Variants in SHOC2 observed in about 807,000 individuals in gnomAD.
SHOC2 encodes leucine-rich repeat protein SHOC-2.
In SHOC2, 4 loss-of-function variants were observed where a neutral mutation model predicts 50.2. The observed-to-expected ratio is 0.08, with a 90% CI of 0.04 to 0.18. The LOEUF (loss-of-function observed/expected upper bound fraction) is 0.18, where lower values mean the gene tolerates loss of function less well. Among genes scored for constraint, SHOC2 ranks in the 10% least tolerant of loss-of-function variants. The pLI is 1.00. For missense variants in SHOC2, 388 were observed against 669.6 expected, an observed-to-expected ratio of 0.58 and a Z score of 4.64; for synonymous variants, 218 against 244.5, an observed-to-expected ratio of 0.89 and a Z score of 1.01.
intron 4 of SHOC2, among the ~76,000 whole-genome samples, chr10:111,000,861 G>A (rs1209072964): frequency 6.6e-6 from 1 of 151,980 alleles, no homozygotes; most frequent in African/African-American, 2.4e-5. Flanking sequence ...TGACAGTAAA[G>A]GTATTAAGGA....
chr10:110,966,496 C>T (rs189413393), intron 2 of SHOC2, among the ~76,000 whole-genome samples: 3 of 152,182 alleles, frequency 2.0e-5, no homozygotes, highest in East Asian at 3.9e-4. Context: ...ATAAAAGTTA[C>T]TTCCTGTCTT....
At chr10:110,940,145 G>A (rs572955209) in intron 1 of SHOC2, among the ~76,000 whole-genome samples, 3 of 152,138 alleles carry the variant, frequency 2.0e-5, no homozygotes, top group Non-Finnish European at 4.4e-5. Context: ...GAAATGATAG[G>A]AGAAAAATTT....
At chr10:110,998,389 T>C (rs1848307951) in intron 3 of SHOC2, among the ~76,000 whole-genome samples, 1 of 152,204 alleles carries the variant, frequency 6.6e-6, no homozygotes, top group African/African-American at 2.4e-5. Flanking sequence ...ATTTTTTTTT[T>C]TCTCCTGAGG....
chr10:110,965,124 T>C, intron 2 of SHOC2, 63 bp downstream of exon 2: 1 of 1,423,346 alleles, frequency 7.0e-7, no homozygotes, highest in East Asian at 2.4e-5. Flanking sequence ...TTGAGTGCTT[T>C]CTCATATCAA....
intron 1 of SHOC2, among the ~76,000 whole-genome samples, chr10:110,937,853 G>C (rs1847059916): frequency 6.6e-6 from 1 of 152,176 alleles, no homozygotes; most frequent in African/African-American, 2.4e-5. Context: ...AAACTAGTAA[G>C]TCTGCAATTA....
chr10:111,000,312 G>A (rs1005550626), intron 3 of SHOC2, 103 bp from the exon 4 acceptor site: 10 of 1,127,434 alleles, frequency 8.9e-6, no homozygotes, highest in Non-Finnish European at 1.2e-5. Flanking sequence ...TGCTGAAACA[G>A]TACTTTGAAG....
chr10:110,932,393 A>G (rs1846913020), intron 1 of SHOC2, among the ~76,000 whole-genome samples: 1 of 152,220 alleles, frequency 6.6e-6, no homozygotes. Context: ...TGATTAGGTT[A>G]AGAACAGGAT....
At chr10:110,951,567 T>C (rs1444623422) in intron 1 of SHOC2, 1 of 152,202 alleles carries the variant, frequency 6.6e-6, no homozygotes. Context: ...GAAATGAAAT[T>C]ATTATATTGT....
chr10:110,998,545 C>G (rs1351431333), intron 3 of SHOC2, among the ~76,000 whole-genome samples: 1 of 152,138 alleles, frequency 6.6e-6, no homozygotes, highest in Non-Finnish European at 1.5e-5. Flanking sequence ...CTTTTGTACT[C>G]CACTTTGTGC....
At chr10:110,981,247 C>A (rs1397545589) in intron 2 of SHOC2, among the ~76,000 whole-genome samples, 2 of 152,210 alleles carry the variant, frequency 1.3e-5, no homozygotes, top group Non-Finnish European at 2.9e-5. Flanking sequence ...TTGTAAGTTT[C>A]ATGAATACAA....
intron 5 of SHOC2, among the ~76,000 whole-genome samples, chr10:111,007,153 A>G (rs1013076760): frequency 1.8e-4 from 27 of 152,044 alleles, no homozygotes; most frequent in African/African-American, 6.3e-4. Flanking sequence ...GTCTTCTTCT[A>G]TTGTTTTCAT....
At chr10:111,011,207 G>C (rs376741521) in intron 8 of SHOC2, among the ~76,000 whole-genome samples, 1 of 152,114 alleles carries the variant, frequency 6.6e-6, no homozygotes, top group Non-Finnish European at 1.5e-5. Flanking sequence ...CAGAAAAGTG[G>C]TTATAGACAT....
chr10:110,970,803 T>C (rs1847767384), intron 2 of SHOC2, among the ~76,000 whole-genome samples: 1 of 152,020 alleles, frequency 6.6e-6, no homozygotes, highest in African/African-American at 2.4e-5. Context: ...GTACTTTCGA[T>C]TTTCATTCCC....
chr10:110,919,532 CGGGGCGGGGCGAGT>C (rs1416453021), upstream of SHOC2: 2 of 80,202 alleles, frequency 2.5e-5, no homozygotes, highest in Non-Finnish European at 4.1e-5. Context: ...GCGGGGCGGG[CGGGGCGGGGCGAGT>C]GGGGGAGGGG....
chr10:110,988,840 A>G (rs1848128608), intron 3 of SHOC2: 7 of 445,822 alleles, frequency 1.6e-5, no homozygotes, highest in African/African-American at 4.1e-5. Flanking sequence ...CTGCTTCAGC[A>G]GCATCCCACA....
chr10:110,922,785 A>G (rs1846681227), intron 1 of SHOC2, among the ~76,000 whole-genome samples: 1 of 152,082 alleles, frequency 6.6e-6, no homozygotes, highest in African/African-American at 2.4e-5. Flanking sequence ...TAAAATATCA[A>G]TTAACAGAGG....
chr10:110,946,692 A>G (rs1187170093), intron 1 of SHOC2, among the ~76,000 whole-genome samples: 1 of 151,930 alleles, frequency 6.6e-6, no homozygotes, highest in Non-Finnish European at 1.5e-5. Context: ...TCTGCATTCA[A>G]AGAAAAGCAA....
intron 1 of SHOC2, among the ~76,000 whole-genome samples, chr10:110,929,305 A>G (rs976984232): frequency 2.0e-5 from 3 of 152,204 alleles, no homozygotes; most frequent in Non-Finnish European, 4.4e-5. Flanking sequence ...AAGAATCACT[A>G]ATGTCAACAT....
chr10:110,943,708 AAGT>A (rs1278923795), intron 1 of SHOC2, among the ~76,000 whole-genome samples: 1 of 152,178 alleles, frequency 6.6e-6, no homozygotes, highest in East Asian at 1.9e-4. Flanking sequence ...AGAGAACAAA[AAGT>A]AGTCTCACCA....
Sources: gnomAD v4.1 joint callset for allele counts (sites outside exome capture counted in the v4.1 genomes callset) on GRCh38, gnomAD v4.1.1 for gene constraint, MANE v1.5 for transcripts, NCBI Gene and HGNC (gene_info 2026-07-23, HGNC 2026-07-21) for gene names.